ADGRL3: variants seen among roughly 807,000 people sequenced by gnomAD.
ADGRL3 encodes adhesion G protein-coupled receptor L3, also known as calcium-independent alpha-latrotoxin receptor 3.
In ADGRL3, 62 loss-of-function variants were observed where a neutral mutation model predicts 153.5. The observed-to-expected ratio is 0.40, with a 90% CI of 0.33 to 0.50. The LOEUF is 0.50. ADGRL3 is among the 20% of genes least tolerant of loss of function. The probability of loss-of-function intolerance (pLI) is 0.47; values close to 1 mark genes in which losing one functional copy is unlikely to be tolerated. For synonymous variants in ADGRL3, 710 were observed against 672.5 expected, an observed-to-expected ratio of 1.06 and a Z score of -0.86; for missense variants, 1,641 against 1,859.4, an observed-to-expected ratio of 0.88 and a Z score of 2.16.
chr4:61,834,582 G>T (rs1460370532), intron 9 of ADGRL3, among the ~76,000 whole-genome samples: 1 of 152,084 alleles, frequency 6.6e-6, no homozygotes, highest in East Asian at 1.9e-4. Context: ...TAATCTTAAG[G>T]TGTAGGCTAT....
At chr4:61,305,664 C>G (rs2094754076) in intron 1 of ADGRL3, among the ~76,000 whole-genome samples, 1 of 152,002 alleles carries the variant, frequency 6.6e-6, no homozygotes, top group Admixed American at 6.6e-5. Flanking sequence ...GGGTCTTTCC[C>G]TGTTTGGTGT....
intron 2 of ADGRL3, among the ~76,000 whole-genome samples, chr4:61,401,809 A>G (rs1256878239): frequency 1.3e-5 from 2 of 152,058 alleles, no homozygotes; most frequent in African/African-American, 4.8e-5. Context: ...CTCTAGTAAT[A>G]GGTATATTTC....
chr4:61,290,710 G>A (rs1443574092), intron 1 of ADGRL3, among the ~76,000 whole-genome samples: 1 of 150,662 alleles, frequency 6.6e-6, no homozygotes, highest in East Asian at 2.0e-4. Flanking sequence ...AAGGAGGGAA[G>A]GAGGGAAGGG....
At chr4:61,952,012 G>T (rs574964041) in intron 17 of ADGRL3, among the ~76,000 whole-genome samples, 2 of 152,264 alleles carry the variant, frequency 1.3e-5, no homozygotes, top group South Asian at 4.1e-4. Context: ...AGGATACAAA[G>T]ATATAAATGG....
chr4:61,748,948 C>T (rs1308814044), intron 8 of ADGRL3, among the ~76,000 whole-genome samples: 14 of 151,020 alleles, frequency 9.3e-5, no homozygotes, highest in African/African-American at 1.7e-4. Context: ...AGAAAATTTT[C>T]GCAACCTACT....
In ADGRL3 at chr4:61,431,606, T is replaced by A. The variant is rs369005536; in HGVS notation, c.-174+48417T>A. The stretch of plus-strand genomic sequence containing the variant: ...GAGAACAAACTAAGTATCAACAAAA[T>A]GACTGGAATGTAACAAATTTCTGGT... On this transcript the variant is annotated intron_variant, in intron 2 of 26. Coordinates refer to ENST00000683033, the MANE Select transcript of ADGRL3 (RefSeq NM_001387552.1). 6.6e-5 allele frequency among the ~76,000 whole-genome samples: 10 copies of A among 152,300 alleles called. No homozygotes were observed. In the South Asian group the frequency reaches 2.1e-3, roughly 32 times the overall value.
intron 2 of ADGRL3, among the ~76,000 whole-genome samples, chr4:61,480,055 C>T (rs2098115629): frequency 6.6e-6 from 1 of 152,084 alleles, no homozygotes; most frequent in African/African-American, 2.4e-5. Flanking sequence ...GATCTAGTCT[C>T]TCAGCAAATT....
intron 2 of ADGRL3, among the ~76,000 whole-genome samples, chr4:61,396,046 A>T (rs2096864651): frequency 1.3e-5 from 2 of 151,974 alleles, no homozygotes; most frequent in African/African-American, 2.4e-5. Flanking sequence ...CTGAATTGAG[A>T]TCATATTCAA....
At chr4:61,461,395 G>T (rs940805090) in intron 2 of ADGRL3, among the ~76,000 whole-genome samples, 3 of 152,038 alleles carry the variant, frequency 2.0e-5, no homozygotes, top group Admixed American at 6.6e-5. Flanking sequence ...TCAATACAAA[G>T]AAATAATAAG....
intron 5 of ADGRL3, among the ~76,000 whole-genome samples, chr4:61,661,743 A>G (rs2094599909): frequency 6.6e-6 from 1 of 152,138 alleles, no homozygotes; most frequent in Non-Finnish European, 1.5e-5. Flanking sequence ...TTGATTTCAT[A>G]CTTTATATTT....
chr4:61,254,764 A>G (rs575502092), intron 1 of ADGRL3, among the ~76,000 whole-genome samples: 2 of 152,314 alleles, frequency 1.3e-5, no homozygotes, highest in South Asian at 4.1e-4. Flanking sequence ...GTTGACAGGC[A>G]TCCAGGATGG....
At chr4:61,442,186 A>G (rs2097534912) in intron 2 of ADGRL3, among the ~76,000 whole-genome samples, 1 of 152,218 alleles carries the variant, frequency 6.6e-6, no homozygotes, top group Non-Finnish European at 1.5e-5. Flanking sequence ...GGAAATAGAT[A>G]GTAGAGTTGG....
intron 8 of ADGRL3, among the ~76,000 whole-genome samples, chr4:61,749,006 A>G (rs556857979): frequency 7.4e-4 from 112 of 151,752 alleles, no homozygotes; most frequent in Non-Finnish European, 1.1e-3. Context: ...ACTCAAACAA[A>G]TTTACAAGAA....
At chr4:61,912,337 CT>C (rs1401279565) in intron 12 of ADGRL3, among the ~76,000 whole-genome samples, 7 of 152,144 alleles carry the variant, frequency 4.6e-5, no homozygotes, top group African/African-American at 1.4e-4. Context: ...TTCCAAACTT[CT>C]GATGCAATTT....
chr4:61,980,381 T>C (rs2099063974), intron 18 of ADGRL3, among the ~76,000 whole-genome samples: 1 of 144,362 alleles, frequency 6.9e-6, no homozygotes, highest in Non-Finnish European at 1.5e-5. Context: ...ATTAGAATCA[T>C]TTAGTAAGTA....
chr4:61,259,965 T>G (rs2092378616), intron 1 of ADGRL3, among the ~76,000 whole-genome samples: 2 of 152,178 alleles, frequency 1.3e-5, no homozygotes, highest in Non-Finnish European at 2.9e-5. Context: ...ACTAGAGGCT[T>G]CAGGGATTCC....
intron 5 of ADGRL3, among the ~76,000 whole-genome samples, chr4:61,662,628 G>T (rs2094637742): frequency 6.6e-6 from 1 of 152,234 alleles, no homozygotes; most frequent in South Asian, 2.1e-4. Flanking sequence ...TGGATGGCAG[G>T]TTAATGGCGG....
chr4:61,227,052 T>C (rs1037161225), intron 1 of ADGRL3, among the ~76,000 whole-genome samples: 3 of 151,964 alleles, frequency 2.0e-5, no homozygotes, highest in Non-Finnish European at 4.4e-5. Context: ...TTTTAATTTA[T>C]GTTTTCTGAA....
chr4:61,463,934 G>A (rs1049010883), intron 2 of ADGRL3, among the ~76,000 whole-genome samples: 43 of 152,076 alleles, frequency 2.8e-4, no homozygotes, highest in African/African-American at 1.0e-3. Context: ...CTGCAACTTG[G>A]TTCAGTAGGG....
Sources: gnomAD v4.1 joint callset for allele counts (sites outside exome capture counted in the v4.1 genomes callset) on GRCh38, gnomAD v4.1.1 for gene constraint, MANE v1.5 for transcripts, NCBI Gene and HGNC (gene_info 2026-07-23, HGNC 2026-07-21) for gene names.